KHNYN: variants seen among roughly 807,000 people sequenced by gnomAD.
KHNYN encodes the protein protein KHNYN.
Under a neutral mutation model 62.7 loss-of-function variants are expected in KHNYN, and 42 were observed. That is an observed-to-expected ratio of 0.67 (90% CI 0.52 to 0.87). The LOEUF (loss-of-function observed/expected upper bound fraction) is 0.87, where lower values mean the gene tolerates loss of function less well. KHNYN is among the 40% of genes least tolerant of loss of function. The pLI is 0.00. For missense variants in KHNYN, 829 were observed against 874.1 expected (o/e 0.95, Z 0.65); for synonymous variants, 347 against 345.6 (o/e 1.00, Z -0.04).
chr14:24,437,281 T>G lies in KHNYN; in HGVS notation c.2033T>G (p.Phe678Cys). ...QLSEALLSLN[F>C] is the part of the protein sequence containing the mutation. Reference sequence around the variant, plus strand: ...TCTGAGGCCCTGCTCAGTCTTAACTTTTGAGCCTCACCTGCTTGAGTGGCT... The same window carrying G: ...TCTGAGGCCCTGCTCAGTCTTAACTGTTGAGCCTCACCTGCTTGAGTGGCT... Residue 678 changes from phenylalanine to cysteine, a missense_variant, in exon 8 of 8, where the codon TTT becomes TGT. By Grantham distance (205) the Phe-to-Cys change is radical. Around this residue, in one of 2 missense-constraint regions of KHNYN, gnomAD observed 270 missense variants for 347.1 expected, o/e 0.78. Coordinates refer to ENST00000553935, the MANE Select transcript of KHNYN (RefSeq NM_015299.3). This position sits in a 1 kb window ranked among gnomAD's most constrained non-coding sequence, Gnocchi z 5.5. 2 of 1,609,510 alleles carry G rather than the reference T, an allele frequency of 1.2e-6. No individual in the cohort carries two copies. Among genetic ancestry groups the G allele is most frequent in the Non-Finnish European group, 1.7e-6 (2 of 1,176,348 alleles).
chr14:24,428,529 A>C, upstream of KHNYN: 2 of 1,223,496 alleles, frequency 1.6e-6, no homozygotes, highest in Non-Finnish European at 2.3e-6. Flanking sequence ...AGTGAATAGG[A>C]GTGAACAGAT....
upstream of KHNYN, chr14:24,427,700 C>A: frequency 8.2e-7 from 1 of 1,219,578 alleles, no homozygotes. The surrounding 1 kb of genome is among the most constrained non-coding windows in gnomAD (Gnocchi z 4.4). Flanking sequence ...CAGAGGGAGT[C>A]TCTCTCCTGC....
rs752693062 is a variant in KHNYN at position 24,432,396 on chromosome 14, C to A, written c.1135C>A (p.Arg379=). 1.9e-6 allele frequency: 3 copies of A among 1,613,446 alleles called. No individual in the cohort carries two copies. Among genetic ancestry groups the A allele is most frequent in the African/African-American group, 2.7e-5 (2 of 74,858 alleles). Residue 379 remains arginine (R), a synonymous_variant, in exon 3 of 8, where the codon CGG becomes AGG. Transcript: ENST00000553935. This position sits in a 1 kb window ranked among gnomAD's most constrained non-coding sequence, Gnocchi z 5.6. ...TGGAGACCGGGGTGACTGCGGAGAC[C>A]GGGGAGACGTGGGGGACAGGGGAGA... ...HCGDRGDCGD[R]GDVGDRGDKQ...
intron 6 of KHNYN, 39 bp from the exon 7 acceptor site, chr14:24,436,349 G>T (rs760023001): frequency 6.4e-7 from 1 of 1,574,600 alleles, no homozygotes. Flanking sequence ...GGTGGGCAAG[G>T]GCCCCCTCTG....
chr14:24,428,450 T>C (rs1181404047), upstream of KHNYN: 6 of 1,609,580 alleles, frequency 3.7e-6, no homozygotes, highest in African/African-American at 1.3e-5. Flanking sequence ...GAAATGCCCA[T>C]GGCTCAGGGG....
At position 24,432,838 on chromosome 14, in the gene KHNYN, A is replaced by T. The variant is rs1380396034; in HGVS notation, c.1466A>T (p.Asp489Val). Reference sequence around the variant, plus strand: ...GTGCCTCAGTGGCGCTTCAGTAAGGATGCCAAAGTCAGAGGTGAGTTGGGC... The same window carrying T: ...GTGCCTCAGTGGCGCTTCAGTAAGGTTGCCAAAGTCAGAGGTGAGTTGGGC... ...VFVPQWRFSK[D>V]AKVRESHFLQ... is the part of the protein sequence containing the mutation. The change falls in exon 4 of 8, where the codon GAT becomes GTT. Residue 489 changes from aspartate (D) to valine (V), a missense_variant. Physicochemically the swap from Asp to Val is radical, Grantham distance 152. Around this residue, in one of 2 missense-constraint regions of KHNYN, gnomAD observed 270 missense variants for 347.1 expected, o/e 0.78. Coordinates refer to ENST00000553935, the MANE Select transcript of KHNYN (RefSeq NM_015299.3). This position sits in a 1 kb window ranked among gnomAD's most constrained non-coding sequence, Gnocchi z 5.6. 6.2e-7 allele frequency: 1 copy of T among 1,614,096 alleles called. No individual in the cohort carries two copies. Among genetic ancestry groups the T allele is most frequent in the Non-Finnish European group, 8.5e-7 (1 of 1,180,032 alleles).
In KHNYN at chr14:24,436,374, C is replaced by A. The variant is rs1447551199; in HGVS notation, c.1686-14C>A. On this transcript the variant is annotated splice_polypyrimidine_tract_variant and intron_variant, in intron 6 of 7. Transcript: ENST00000553935. Reference sequence around the variant, plus strand: ...GGCCCCCTCTGTGACCACACATTATCTTTCGCCATCCAGCCTGCTGCCCTT... The same window carrying A: ...GGCCCCCTCTGTGACCACACATTATATTTCGCCATCCAGCCTGCTGCCCTT... The A allele has an allele frequency of 3.1e-6, 5 of 1,610,822 alleles. No homozygotes were observed. The highest frequency in any genetic ancestry group is 3.4e-6 in the Non-Finnish European group (4 of 1,177,038).
rs760592073 is a variant in KHNYN, at chr14:24,440,314, T to A, written c.*3029T>A. 16 of 1,613,832 alleles carry A rather than the reference T, an allele frequency of 9.9e-6. No homozygotes were observed. Among genetic ancestry groups the A allele is most frequent in the Non-Finnish European group, 1.4e-5 (16 of 1,179,874 alleles). On this transcript the variant is annotated 3_prime_UTR_variant, in exon 8 of 8. Transcript: ENST00000553935. ...CATTAGTGGCGGAGGATGGAGCCAC[T>A]CCATTCAGGACCCCGTGCACGTGGT...
In KHNYN at chr14:24,440,873, C is replaced by T. The variant is rs1381284599; in HGVS notation, c.*3588C>T. On this transcript the variant is annotated 3_prime_UTR_variant, in exon 8 of 8. Transcript: ENST00000553935. ...ACGAGGTTGGAGAAAAAGTCAAAGT[C>T]CCCTCCTGGGCTGTCTTCATCATAC... is the stretch of plus-strand genomic sequence containing the variant. 4 of 1,614,016 alleles carry T rather than the reference C, an allele frequency of 2.5e-6. No homozygotes were observed. Among genetic ancestry groups the T allele is most frequent in the South Asian group, 1.1e-5 (1 of 91,076 alleles).
At chr14:24,430,264 G>A (rs561607624) in intron 1 of KHNYN, 145 bp downstream of exon 1, 2 of 747,754 alleles carry the variant, frequency 2.7e-6, no homozygotes, top group Non-Finnish European at 3.3e-6. Context: ...CTCCTGGCCC[G>A]ACGGAGAGGG....
Position 24,440,591 on chromosome 14 carries a change from C to G in KHNYN, c.*3306C>G. The G allele has an allele frequency of 1.4e-6, 2 of 1,440,468 alleles. No homozygotes were observed. The highest frequency in any genetic ancestry group is 1.9e-6 in the Non-Finnish European group (2 of 1,053,152). The allele number at this position is 1,440,468 out of a possible 1,614,324, so 89.2% of individuals were successfully genotyped here. On this transcript the variant is annotated 3_prime_UTR_variant, in exon 8 of 8. Transcript: ENST00000553935. Reference sequence around the variant, plus strand: ...TTTCCCCTTCCTCACTCTCCCCATGCTGACTTGGCTCTGTAACAGAAGTGA... The same window carrying G: ...TTTCCCCTTCCTCACTCTCCCCATGGTGACTTGGCTCTGTAACAGAAGTGA...
chr14:24,437,456 A>G lies in KHNYN; in HGVS notation c.*171A>G. 1 of 707,976 alleles carries G rather than the reference A, an allele frequency of 1.4e-6. No homozygotes were observed. Among genetic ancestry groups the G allele is most frequent in the Non-Finnish European group, 2.3e-6 (1 of 441,430 alleles). The allele number at this position is 707,976 out of a possible 1,614,324, so 43.9% of individuals were successfully genotyped here. ...TCCATAAAGTGAACTGATCTTACCG[A>G]GTCAGGACCTCAGCCAGCTCTCAAG... On this transcript the variant is annotated 3_prime_UTR_variant, in exon 8 of 8. Coordinates refer to ENST00000553935, the MANE Select transcript of KHNYN (RefSeq NM_015299.3). The surrounding 1 kb of genome is among the most constrained non-coding windows in gnomAD (Gnocchi z 5.5).
chr14:24,435,231 A>G (rs889585099), intron 5 of KHNYN, among the ~76,000 whole-genome samples: 3 of 152,358 alleles, frequency 2.0e-5, no homozygotes, highest in Middle Eastern at 3.4e-3. Flanking sequence ...CATAAGACAT[A>G]TGTGGAGAGC....
rs2043271846 is a variant in KHNYN, at chr14:24,440,021, A to G, written c.*2736A>G. 1.4e-6 allele frequency: 2 copies of G among 1,417,714 alleles called. No individual in the cohort carries two copies. Among genetic ancestry groups the G allele is most frequent in the South Asian group, 1.4e-5 (1 of 71,292 alleles). The allele number at this position is 1,417,714 out of a possible 1,614,324, so 87.8% of individuals were successfully genotyped here. ...TCAGCTCTCTAGAGGAGCTGAGCCT[A>G]TTCACAGTGCCTAACCTGGAAGCCT... is the stretch of plus-strand genomic sequence containing the variant. On this transcript the variant is annotated 3_prime_UTR_variant, in exon 8 of 8. Coordinates refer to ENST00000553935, the MANE Select transcript of KHNYN (RefSeq NM_015299.3).
Position 24,436,103 on chromosome 14 carries a change from G to A in KHNYN, c.1609G>A (p.Gly537Arg). The A allele has an allele frequency of 6.2e-7, 1 of 1,614,128 alleles. No homozygotes were observed. The highest frequency in any genetic ancestry group is 8.5e-7 in the Non-Finnish European group (1 of 1,179,996). ...GGTGAAGCTGGCTGAAGAGACAGAT[G>A]GGATAATTGTCTCCAATGACCAGTT... Reference protein sequence around the residue: ...FMVKLAEETDGIIVSNDQFRD... With the variant: ...FMVKLAEETDRIIVSNDQFRD... Residue 537 changes from glycine to arginine, a missense_variant, in exon 6 of 8, where the codon GGG becomes AGG. Physicochemically the swap from Gly to Arg is moderately radical, Grantham distance 125. This residue lies in a region of KHNYN where 270 missense variants were observed against 347.1 expected (regional missense o/e 0.78). Transcript: ENST00000553935.
At chr14:24,429,514 A>C, upstream of KHNYN, 2 of 460,760 alleles carry the variant, frequency 4.3e-6, no homozygotes, top group Non-Finnish European at 4.1e-6. Context: ...ATCCCCCACA[A>C]ATCAACAGCC....
At chr14:24,430,971 A>G (rs1299322482) in intron 2 of KHNYN, 40 bp downstream of exon 2, 1 of 1,573,170 alleles carries the variant, frequency 6.4e-7, no homozygotes, top group East Asian at 2.3e-5. Flanking sequence ...GGCACCAAGG[A>G]CGCTTTCCCC....
chr14:24,428,542 A>G, upstream of KHNYN: 3 of 1,182,716 alleles, frequency 2.5e-6, no homozygotes, highest in East Asian at 2.5e-5. Context: ...GAACAGATTC[A>G]AAAGAAATGG....
In KHNYN at chr14:24,432,668, G is replaced by T. The variant is rs762981879; in HGVS notation, c.1350-54G>T. 1.2e-6 allele frequency: 2 copies of T among 1,613,540 alleles called. No homozygotes were observed. The highest frequency in any genetic ancestry group is 1.3e-5 in the African/African-American group (1 of 74,924). On this transcript the variant is annotated intron_variant, in intron 3 of 7. Coordinates refer to ENST00000553935, the MANE Select transcript of KHNYN (RefSeq NM_015299.3). This position sits in a 1 kb window ranked among gnomAD's most constrained non-coding sequence, Gnocchi z 5.6. Reference sequence around the variant, plus strand: ...AGGGAGGATATGTCCTGAGGGGCTGGCATTGTAGCCAGGGTGCCAAGCCCC... The same window carrying T: ...AGGGAGGATATGTCCTGAGGGGCTGTCATTGTAGCCAGGGTGCCAAGCCCC...
Sources: allele counts gnomAD v4.1 joint callset (sites outside exome capture counted in the v4.1 genomes callset), GRCh38; gene constraint gnomAD v4.1.1; regional missense constraint gnomAD v4.1.1; non-coding constraint Gnocchi (gnomAD v3.1); transcripts MANE v1.5; gene names NCBI Gene and HGNC (gene_info 2026-07-23, HGNC 2026-07-21).